FAM110B: variants seen among roughly 807,000 people sequenced by gnomAD.
The protein encoded by FAM110B is protein FAM110B.
A neutral mutation model predicts 20.4 loss-of-function variants in FAM110B; 6 were observed. The observed-to-expected ratio is 0.29, with a 90% CI of 0.16 to 0.58. The LOEUF (loss-of-function observed/expected upper bound fraction) is 0.58. FAM110B is among the 20% of genes least tolerant of loss of function. The pLI is 0.90. For synonymous variants in FAM110B, 226 were observed against 214.1 expected, an observed-to-expected ratio of 1.06 and a Z score of -0.49; for missense variants, 434 against 498.2, an observed-to-expected ratio of 0.87 and a Z score of 1.23.
At chr8:58,024,255 A>G (rs911181043) in intron 1 of FAM110B, among the ~76,000 whole-genome samples, 2 of 151,992 alleles carry the variant, frequency 1.3e-5, no homozygotes, top group African/African-American at 4.8e-5. Flanking sequence ...ATTAGAATAC[A>G]TAAAAGGCTT....
intron 1 of FAM110B, among the ~76,000 whole-genome samples, chr8:58,014,974 A>G (rs1804608300): frequency 6.6e-6 from 1 of 152,232 alleles, no homozygotes; most frequent in South Asian, 2.1e-4. Context: ...TTTACAAAAT[A>G]ACTTTCTTTT....
intron 1 of FAM110B, among the ~76,000 whole-genome samples, chr8:57,995,914 G>A (rs1177665717): frequency 6.6e-6 from 1 of 152,208 alleles, no homozygotes; most frequent in African/African-American, 2.4e-5. Flanking sequence ...AAGGGAATAT[G>A]ATAGTAGAAT....
intron 3 of FAM110B, among the ~76,000 whole-genome samples, chr8:58,086,032 C>T (rs143264915): frequency 1.5e-4 from 23 of 152,338 alleles, no homozygotes; most frequent in African/African-American, 5.3e-4. Context: ...ATACCTGATA[C>T]CTGGTTCTCA....
chr8:58,084,207 A>G (rs1806273128), intron 3 of FAM110B, among the ~76,000 whole-genome samples: 1 of 152,196 alleles, frequency 6.6e-6, no homozygotes. Context: ...AAAATGAGTC[A>G]GTAGAAGGTA....
At chr8:58,093,735 T>G (rs949064120) in intron 3 of FAM110B, among the ~76,000 whole-genome samples, 4 of 149,160 alleles carry the variant, frequency 2.7e-5, no homozygotes, top group African/African-American at 9.9e-5. Context: ...ATGCGGGCTC[T>G]TTTTTGGTTC....
intron 2 of FAM110B, among the ~76,000 whole-genome samples, chr8:58,056,553 A>G (rs1037717175): frequency 1.3e-5 from 2 of 152,244 alleles, no homozygotes; most frequent in Non-Finnish European, 1.5e-5. Flanking sequence ...TAATTCATGT[A>G]TCTGCTAAGT....
chr8:57,996,126 A>G (rs1804180512), intron 1 of FAM110B, among the ~76,000 whole-genome samples: 1 of 152,228 alleles, frequency 6.6e-6, no homozygotes, highest in Non-Finnish European at 1.5e-5. Context: ...TTATTCTAGA[A>G]TAAAGGTGAG....
intron 2 of FAM110B, among the ~76,000 whole-genome samples, chr8:58,061,298 G>C (rs1036487792): frequency 6.6e-6 from 1 of 152,170 alleles, no homozygotes; most frequent in Admixed American, 6.5e-5. Flanking sequence ...CTGCTCATCT[G>C]TCGGATACTT....
At chr8:58,051,361 A>G (rs894125999) in intron 2 of FAM110B, among the ~76,000 whole-genome samples, 1 of 152,212 alleles carries the variant, frequency 6.6e-6, no homozygotes, top group Admixed American at 6.5e-5. Context: ...GGGAGAAGCC[A>G]GAAACAAAAG....
intron 3 of FAM110B, among the ~76,000 whole-genome samples, chr8:58,104,179 G>A (rs73682149): frequency 0.02 from 3,049 of 152,244 alleles, 59 homozygotes; most frequent in South Asian, 0.1. Flanking sequence ...TTTCCTGGCA[G>A]TGTAATATGG....
chr8:58,142,553 G>A (rs1408471100), intron 3 of FAM110B, among the ~76,000 whole-genome samples: 1 of 67,552 alleles, frequency 1.5e-5, no homozygotes, highest in African/African-American at 5.3e-5. Context: ...CCCCCACCCC[G>A]ACCCCTGCCA....
intron 1 of FAM110B, among the ~76,000 whole-genome samples, chr8:58,003,475 C>T (rs1229724409): frequency 1.3e-5 from 2 of 152,196 alleles, no homozygotes; most frequent in Admixed American, 6.5e-5. Context: ...TTCCTGGATA[C>T]ATCAGAGCAA....
At chr8:58,028,926 A>G (rs1804911463) in intron 1 of FAM110B, among the ~76,000 whole-genome samples, 2 of 152,314 alleles carry the variant, frequency 1.3e-5, no homozygotes, top group Middle Eastern at 3.4e-3. Context: ...CTCTCATCCC[A>G]TGCAAACCTT....
At chr8:58,067,702 A>G (rs550577670) in intron 2 of FAM110B, among the ~76,000 whole-genome samples, 1 of 152,332 alleles carries the variant, frequency 6.6e-6, no homozygotes, top group African/African-American at 2.4e-5. Flanking sequence ...AGGAATCAGA[A>G]TGCTCTGTTA....
At chr8:58,086,577 C>A (rs1392251649) in intron 3 of FAM110B, among the ~76,000 whole-genome samples, 2 of 152,210 alleles carry the variant, frequency 1.3e-5, no homozygotes, top group African/African-American at 4.8e-5. Flanking sequence ...TGAGAAGTCA[C>A]CTCTTTATTG....
chr8:58,011,051 AAAG>A (rs1318802141), intron 1 of FAM110B, among the ~76,000 whole-genome samples: 1 of 152,196 alleles, frequency 6.6e-6, no homozygotes, highest in Non-Finnish European at 1.5e-5. Context: ...TTACAGAAGC[AAAG>A]AAGTCTACAT....
At chr8:58,129,881 A>C (rs1803410367) in intron 3 of FAM110B, among the ~76,000 whole-genome samples, 1 of 151,888 alleles carries the variant, frequency 6.6e-6, no homozygotes, top group East Asian at 1.9e-4. Flanking sequence ...TAATCTACTT[A>C]TCAAAAACAT....
chr8:58,103,348 G>T (rs1368750103), intron 3 of FAM110B, among the ~76,000 whole-genome samples: 1 of 122,478 alleles, frequency 8.2e-6, no homozygotes, highest in African/African-American at 3.2e-5. Context: ...ACAGTCCCCA[G>T]AGTGTGATGT....
At chr8:58,082,607 G>C (rs888248093) in intron 3 of FAM110B, among the ~76,000 whole-genome samples, 3 of 152,150 alleles carry the variant, frequency 2.0e-5, no homozygotes, top group Non-Finnish European at 4.4e-5. Context: ...CTATAAGCAA[G>C]TTGGGGGTAA....
Sources: gnomAD v4.1 joint callset for allele counts (sites outside exome capture counted in the v4.1 genomes callset) on GRCh38, gnomAD v4.1.1 for gene constraint, MANE v1.5 for transcripts, NCBI Gene and HGNC (gene_info 2026-07-23, HGNC 2026-07-21) for gene names.